Variants in BCAS1 observed in about 807,000 individuals in gnomAD.
The protein encoded by BCAS1 is breast carcinoma-amplified sequence 1.
BCAS1 carries 46 observed loss-of-function variants against 65.4 expected under a neutral mutation model. The ratio of observed to expected loss-of-function variants is 0.70; its 90% confidence interval spans 0.55 to 0.90. The LOEUF (loss-of-function observed/expected upper bound fraction) is 0.90, where lower values mean the gene tolerates loss of function less well. BCAS1 is among the 40% of genes least tolerant of loss of function. The pLI is 0.00. For synonymous variants in BCAS1, 298 were observed against 293.5 expected (o/e 1.02, Z -0.16); for missense variants, 793 against 771.2 (o/e 1.03, Z -0.33).
chr20:54,020,489 A>C (rs1024371551), intron 4 of BCAS1, among the ~76,000 whole-genome samples: 1 of 152,218 alleles, frequency 6.6e-6, no homozygotes, highest in African/African-American at 2.4e-5. Context: ...ATGACTTTCT[A>C]TTTCAACTTG....
chr20:53,953,320 AC>A lies in BCAS1; in HGVS notation c.1815+111del, dbSNP rs914616695. 2.8e-5 allele frequency: 37 copies of A among 1,334,824 alleles called. No individual in the cohort carries two copies. In the Admixed American group the frequency reaches 8.3e-4, roughly 30 times the overall value. The allele number at this position is 1,334,824 out of a possible 1,614,324, so 82.7% of individuals were successfully genotyped here. A position where few individuals can be genotyped will look rare whatever the true frequency, so the allele number is the denominator to read the frequency against. On this transcript the variant is annotated intron_variant, in intron 12 of 12. Transcript: ENST00000688948. ...GCAGTTCAAAAACCCTGAGTGATAGACCCGGGATCCCAGTGTGAAGAGCCAC... is the reference window on the plus strand; with the variant it reads ...GCAGTTCAAAAACCCTGAGTGATAGACCGGGATCCCAGTGTGAAGAGCCAC...
chr20:53,967,890 A>T (rs969809626), intron 9 of BCAS1, among the ~76,000 whole-genome samples: 11 of 152,234 alleles, frequency 7.2e-5, no homozygotes, highest in Non-Finnish European at 1.5e-5. Flanking sequence ...CTGCCACAGG[A>T]CAGAGTGAAT....
chr20:53,966,191 A>G (rs148869191), intron 10 of BCAS1, among the ~76,000 whole-genome samples: 64 of 152,372 alleles, frequency 4.2e-4, no homozygotes, highest in African/African-American at 1.5e-3. Flanking sequence ...GGTTTATTGC[A>G]GCACAATTCA....
intron 1 of BCAS1, among the ~76,000 whole-genome samples, chr20:54,066,851 A>G (rs290439): frequency 0.14 from 21,025 of 152,248 alleles, 1,770 homozygotes; most frequent in South Asian, 0.21. Flanking sequence ...ATCTTCTAGT[A>G]AGTGGGAGAA....
intron 8 of BCAS1, among the ~76,000 whole-genome samples, chr20:53,979,767 A>C (rs891726998): frequency 6.6e-6 from 1 of 152,244 alleles, no homozygotes; most frequent in African/African-American, 2.4e-5. Flanking sequence ...TATGTTCAGC[A>C]TTCTATGAAA....
At chr20:54,036,607 T>C (rs1037881983) in intron 3 of BCAS1, among the ~76,000 whole-genome samples, 16 of 151,394 alleles carry the variant, frequency 1.1e-4, no homozygotes, top group Admixed American at 6.6e-4. Context: ...TTCTTACAAA[T>C]TGGCATGAAA....
chr20:53,945,311 T>C (rs1261355162), intron 12 of BCAS1, among the ~76,000 whole-genome samples: 1 of 152,220 alleles, frequency 6.6e-6, no homozygotes, highest in Non-Finnish European at 1.5e-5. Flanking sequence ...TTCATGCTTA[T>C]AATGTACTTA....
intron 9 of BCAS1, among the ~76,000 whole-genome samples, chr20:53,970,802 C>T (rs528405641): frequency 5.3e-5 from 8 of 152,212 alleles, no homozygotes; most frequent in Non-Finnish European, 1.0e-4. Context: ...AAATAGATTT[C>T]GTCCATTTAA....
chr20:53,953,739 C>G, intron 11 of BCAS1, 44 bp from the exon 12 acceptor site: 1 of 1,585,060 alleles, frequency 6.3e-7, no homozygotes, highest in Non-Finnish European at 8.6e-7. Context: ...GGCTGCAGGA[C>G]AACTCTCAAT....
chr20:53,994,884 A>G (rs943826212), intron 6 of BCAS1, 128 bp downstream of exon 6: 4 of 461,488 alleles, frequency 8.7e-6, no homozygotes, highest in Admixed American at 4.1e-5. Context: ...ATATATAGAT[A>G]TGATACACAC....
chr20:53,950,490 A>G (rs2089485320), intron 12 of BCAS1, among the ~76,000 whole-genome samples: 1 of 150,466 alleles, frequency 6.6e-6, no homozygotes. Context: ...ATCCATACTC[A>G]GGCAAACTCT....
intron 4 of BCAS1, among the ~76,000 whole-genome samples, chr20:54,001,188 A>G (rs2091047142): frequency 6.6e-6 from 1 of 152,232 alleles, no homozygotes; most frequent in Non-Finnish European, 1.5e-5. Context: ...TGCAAAAATT[A>G]TGAGTGAAAA....
intron 12 of BCAS1, among the ~76,000 whole-genome samples, chr20:53,946,617 GATAGT>G (rs2089331364): frequency 6.6e-6 from 1 of 150,652 alleles, no homozygotes; most frequent in African/African-American, 2.4e-5. Context: ...GGTAATATAG[GATAGT>G]ATAATATAGG....
chr20:54,007,009 T>C (rs1218313651), intron 4 of BCAS1, among the ~76,000 whole-genome samples: 1 of 152,114 alleles, frequency 6.6e-6, no homozygotes, highest in South Asian at 2.1e-4. Flanking sequence ...GGTGAGGTGA[T>C]GGGCTGCTGG....
At chr20:53,983,343 C>G (rs2145760453) in intron 8 of BCAS1, among the ~76,000 whole-genome samples, 1 of 152,334 alleles carries the variant, frequency 6.6e-6, no homozygotes, top group Non-Finnish European at 1.5e-5. Context: ...GTTTTACCAT[C>G]ATTATTTCAC....
intron 1 of BCAS1, among the ~76,000 whole-genome samples, chr20:54,070,123 C>A (rs1017494646): frequency 3.3e-5 from 5 of 152,168 alleles, no homozygotes; most frequent in African/African-American, 1.2e-4. Flanking sequence ...GTGACTTCTC[C>A]CCATGTCCTG....
intron 12 of BCAS1, among the ~76,000 whole-genome samples, chr20:53,950,477 C>T (rs898286757): frequency 3.3e-5 from 5 of 152,004 alleles, no homozygotes; most frequent in Non-Finnish European, 7.4e-5. Context: ...CACACACCCC[C>T]CCATCCATAC....
At chr20:54,031,875 G>C (rs2091808673) in intron 3 of BCAS1, among the ~76,000 whole-genome samples, 1 of 151,184 alleles carries the variant, frequency 6.6e-6, no homozygotes, top group African/African-American at 2.4e-5. Flanking sequence ...GTGTCTGAAA[G>C]AGATGGAGGG....
At chr20:54,022,062 A>G (rs2091571635) in intron 4 of BCAS1, among the ~76,000 whole-genome samples, 1 of 152,188 alleles carries the variant, frequency 6.6e-6, no homozygotes, top group Non-Finnish European at 1.5e-5. Flanking sequence ...GTGAAGCACA[A>G]TAAAGAGAGG....
Sources: allele counts gnomAD v4.1 joint callset (sites outside exome capture counted in the v4.1 genomes callset), GRCh38; gene constraint gnomAD v4.1.1; transcripts MANE v1.5; gene names NCBI Gene and HGNC (gene_info 2026-07-23, HGNC 2026-07-21).